ELOVL6: variants seen among roughly 807,000 people sequenced by gnomAD.
ELOVL6 encodes ELOVL fatty acid elongase 6, also known as very long chain fatty acid elongase 6.
A neutral mutation model predicts 31.7 loss-of-function variants in ELOVL6; 8 were observed. That is an observed-to-expected ratio of 0.25 (90% CI 0.15 to 0.45). ELOVL6 has a LOEUF of 0.45. Among genes scored for constraint, ELOVL6 ranks in the 20% least tolerant of loss-of-function variants. The pLI is 1.00. For synonymous variants in ELOVL6, 101 were observed against 117.7 expected, an observed-to-expected ratio of 0.86 and a Z score of 0.92; for missense variants, 126 against 326.4, an observed-to-expected ratio of 0.39 and a Z score of 4.73.
chr4:110,161,022 A>T (rs1758615621), intron 1 of ELOVL6, among the ~76,000 whole-genome samples: 1 of 152,226 alleles, frequency 6.6e-6, no homozygotes, highest in Non-Finnish European at 1.5e-5. Context: ...TACATGAAAG[A>T]ATGCTATCTA....
At chr4:110,059,837 G>T in intron 2 of ELOVL6, 83 bp from the exon 3 acceptor site, 1 of 1,236,054 alleles carries the variant, frequency 8.1e-7, no homozygotes, top group Non-Finnish European at 1.1e-6. Context: ...AGACTGGTTG[G>T]CCACTGGCAG....
At chr4:110,167,731 T>G (rs1415041631) in intron 1 of ELOVL6, among the ~76,000 whole-genome samples, 1 of 152,038 alleles carries the variant, frequency 6.6e-6, no homozygotes, top group East Asian at 1.9e-4. Context: ...AGACAGGGTC[T>G]CCCTGTGCTG....
intron 1 of ELOVL6, among the ~76,000 whole-genome samples, chr4:110,151,389 C>T (rs576785629): frequency 3.3e-5 from 5 of 152,134 alleles, no homozygotes; most frequent in African/African-American, 1.2e-4. Flanking sequence ...AAAGTTTTGT[C>T]TGGACCTACA....
At chr4:110,152,951 C>G (rs893034932) in intron 1 of ELOVL6, among the ~76,000 whole-genome samples, 1 of 152,192 alleles carries the variant, frequency 6.6e-6, no homozygotes, top group African/African-American at 2.4e-5. Flanking sequence ...AAGGAGGATG[C>G]CAAACCTATG....
chr4:110,088,227 A>G (rs943285341), intron 2 of ELOVL6, among the ~76,000 whole-genome samples: 2 of 152,190 alleles, frequency 1.3e-5, no homozygotes, highest in East Asian at 3.8e-4. Context: ...AGAGTATTGT[A>G]GCTTATACAT....
rs1560813714 is a variant in ELOVL6 at position 110,084,045 on chromosome 4, C to CATATAT, written c.221+21451_221+21452insATATAT. On this transcript the variant is annotated intron_variant, in intron 2 of 3. Transcript: ENST00000302274. ...CATATGCCATATATGGTATATAACA[C>CATATAT]ATGCTATATATGATATATAACATAT... 2.3e-3 allele frequency among the ~76,000 whole-genome samples: 56 copies of CATATAT among 24,780 alleles called. 6 individuals carry two copies. In the Admixed American group the frequency reaches 0.026, roughly 11 times the overall value. The allele number at this position is 24,780 out of a possible 152,430, so 16.3% of individuals were successfully genotyped here. A position where few individuals can be genotyped will look rare whatever the true frequency, so the allele number is the denominator to read the frequency against.
intron 1 of ELOVL6, among the ~76,000 whole-genome samples, chr4:110,171,491 G>T (rs893200342): frequency 6.6e-6 from 1 of 151,742 alleles, no homozygotes; most frequent in East Asian, 1.9e-4. Context: ...TTTCTGCATG[G>T]TTGTCAATCA....
chr4:110,084,729 G>A (rs1212134011), intron 2 of ELOVL6, among the ~76,000 whole-genome samples: 3 of 149,392 alleles, frequency 2.0e-5, no homozygotes, highest in Non-Finnish European at 4.4e-5. Context: ...TGAGTAGCTG[G>A]GGCTACAGGT....
chr4:110,154,744 G>A (rs759539311), intron 1 of ELOVL6, among the ~76,000 whole-genome samples: 1 of 152,188 alleles, frequency 6.6e-6, no homozygotes, highest in Non-Finnish European at 1.5e-5. Flanking sequence ...TGAGAAGATG[G>A]CTTGGTGCTA....
intron 3 of ELOVL6, among the ~76,000 whole-genome samples, chr4:110,052,641 T>A (rs1453841818): frequency 6.6e-6 from 1 of 152,206 alleles, no homozygotes; most frequent in Non-Finnish European, 1.5e-5. Context: ...GGTGGGTAGA[T>A]GCTATGTATC....
intron 1 of ELOVL6, among the ~76,000 whole-genome samples, chr4:110,162,761 C>T (rs916982027): frequency 6.6e-6 from 1 of 152,094 alleles, no homozygotes; most frequent in Non-Finnish European, 1.5e-5. Flanking sequence ...TTTTAAGGTA[C>T]ACAAATGTGA....
intron 1 of ELOVL6, among the ~76,000 whole-genome samples, chr4:110,116,186 T>C (rs568414445): frequency 6.6e-6 from 1 of 152,368 alleles, no homozygotes; most frequent in Non-Finnish European, 1.5e-5. Flanking sequence ...CCGCAACATG[T>C]CCTTTGCTAT....
At chr4:110,189,889 C>A (rs1038484238) in intron 1 of ELOVL6, among the ~76,000 whole-genome samples, 2 of 151,618 alleles carry the variant, frequency 1.3e-5, no homozygotes, top group African/African-American at 4.8e-5. Context: ...ATGGTGTGAA[C>A]CCGGGAGGCA....
intron 1 of ELOVL6, among the ~76,000 whole-genome samples, chr4:110,192,994 G>C (rs1000674825): frequency 1.4e-4 from 22 of 152,108 alleles, no homozygotes; most frequent in African/African-American, 5.3e-4. Context: ...ATGAAACTCT[G>C]GCCTACTCTG....
Position 110,174,147 on chromosome 4 carries a change from A to G in ELOVL6, c.89+24100T>C, listed in dbSNP as rs1759032339. On this transcript the variant is annotated intron_variant, in intron 1 of 3. Transcript: ENST00000302274. ...AAGAAAAAGATTTTAAAATATCAGG[A>G]TGTAAAGAAAGACAGTCTTTTTTTT... 4.6e-5 allele frequency among the ~76,000 whole-genome samples: 7 copies of G among 151,752 alleles called. No individual in the cohort carries two copies. The South Asian group carries it at 1.5e-3, about 32-fold the overall frequency.
At position 110,048,968 on chromosome 4, in the gene ELOVL6, TTAAA is replaced by T. The variant is rs1754768342; in HGVS notation, c.*2366_*2369del. 6.6e-6 allele frequency: 1 copy of T among 152,178 alleles called. No individual in the cohort carries two copies. The highest frequency in any genetic ancestry group is 1.5e-5 in the Non-Finnish European group (1 of 68,036). 9.4% of individuals were successfully genotyped at this position (152,178 alleles called of 1,614,324 possible). ...AAGAGATCTGCAATAAATCACTCAA[TTAAA>T]TAATTAAATCAACCAGATGAGCCTC... is the stretch of plus-strand genomic sequence containing the variant. On this transcript the variant is annotated 3_prime_UTR_variant, in exon 4 of 4. Transcript: ENST00000302274.
rs1171601369 is a variant in ELOVL6, at chr4:110,186,843, A to ATT, written c.89+11402_89+11403dup. ...AAAAAATATATATATATATATATATATTTATATATATACACACACAAATAT... is the reference window on the plus strand; with the variant it reads ...AAAAAATATATATATATATATATATATTTTTATATATATACACACACAAATAT... On this transcript the variant is annotated intron_variant, in intron 1 of 3. Coordinates refer to ENST00000302274, the MANE Select transcript of ELOVL6 (RefSeq NM_024090.3). 2.1e-5 allele frequency among the ~76,000 whole-genome samples: 3 copies of ATT among 139,576 alleles called. No individual in the cohort carries two copies. The East Asian group carries it at 6.1e-4, about 28-fold the overall frequency. 91.6% of individuals were successfully genotyped at this position (139,576 alleles called of 152,430 possible). A position where few individuals can be genotyped will look rare whatever the true frequency, so the allele number is the denominator to read the frequency against.
At chr4:110,084,251 T>TAACATGTATGATATATAC in intron 2 of ELOVL6, among the ~76,000 whole-genome samples, 1 of 116,086 alleles carries the variant, frequency 8.6e-6, no homozygotes, top group South Asian at 2.7e-4. Flanking sequence ...ATGATATATA[T>TAACATGTATGATATATAC]AACATATAGC....
chr4:110,151,439 T>G (rs1413837097), intron 1 of ELOVL6, among the ~76,000 whole-genome samples: 1 of 152,214 alleles, frequency 6.6e-6, no homozygotes, highest in East Asian at 1.9e-4. Context: ...TTTGGTGTCA[T>G]GTTAGCACTC....
Sources: gnomAD v4.1 joint callset for allele counts (sites outside exome capture counted in the v4.1 genomes callset) on GRCh38, gnomAD v4.1.1 for gene constraint, MANE v1.5 for transcripts, NCBI Gene and HGNC (gene_info 2026-07-23, HGNC 2026-07-21) for gene names.